Variants in TENM2 observed in about 807,000 individuals in gnomAD.
TENM2 encodes teneurin transmembrane protein 2.
TENM2 carries 52 observed loss-of-function variants against 245.2 expected under a neutral mutation model. The observed-to-expected ratio is 0.21, with a 90% CI of 0.17 to 0.27. The LOEUF (loss-of-function observed/expected upper bound fraction) is 0.27, where lower values mean the gene tolerates loss of function less well. Ranked by LOEUF, TENM2 falls within the 10% of genes least tolerant of loss-of-function variation. TENM2 has a pLI of 1.00. For missense variants in TENM2, 3,046 were observed against 3,666.8 expected (o/e 0.83, Z 4.37); for synonymous variants, 1,363 against 1,438.9 (o/e 0.95, Z 1.19).
rs199556123 is a variant in TENM2, at chr5:167,685,453, A to G, written c.503-190533A>G. Among the ~76,000 whole-genome samples the G allele has an allele frequency of 6.6e-5, 10 of 151,700 alleles. No individual in the cohort carries two copies. In the East Asian group the frequency reaches 1.8e-3, roughly 27 times the overall value. ...TCCTCGGCCTTCTTTTTCCTTCTGT[A>G]CTCAATTGTACTCTTTCCTAAAGAA... On this transcript the variant is annotated intron_variant, in intron 2 of 28. Transcript: ENST00000518659.
intron 2 of TENM2, among the ~76,000 whole-genome samples, chr5:167,521,102 G>T (rs67594515): frequency 1.3e-5 from 2 of 151,506 alleles, no homozygotes; most frequent in African/African-American, 4.8e-5. Flanking sequence ...CTGAGGTTGG[G>T]GTTGTTATTG....
chr5:167,806,628 A>T (rs1766196225), intron 2 of TENM2, among the ~76,000 whole-genome samples: 1 of 152,122 alleles, frequency 6.6e-6, no homozygotes. Context: ...AGAGTCAGGG[A>T]AATCCACAAT....
exon 14 of TENM2, chr5:168,190,385 G>A: frequency 6.2e-7 from 1 of 1,613,976 alleles, no homozygotes; most frequent in Non-Finnish European, 8.5e-7. Flanking sequence ...CAGTCAGCCT[G>A]TCAGAACAGC....
intron 3 of TENM2, among the ~76,000 whole-genome samples, chr5:167,933,140 G>A (rs1434677431): frequency 6.6e-6 from 1 of 152,148 alleles, no homozygotes; most frequent in African/African-American, 2.4e-5. Context: ...CTTTCTGGGC[G>A]ATAACCCCAA....
chr5:167,718,780 TTTTTC>T (rs1024203350), intron 2 of TENM2, among the ~76,000 whole-genome samples: 2 of 152,148 alleles, frequency 1.3e-5, no homozygotes, highest in African/African-American at 2.4e-5. Context: ...TGGATTTTTT[TTTTTC>T]TTTTCTTAAG....
chr5:167,181,429 A>C, the TENM2 span, among the ~76,000 whole-genome samples: 1 of 98,088 alleles, frequency 1.0e-5, no homozygotes, highest in Non-Finnish European at 2.0e-5. Context: ...TTCTTTTCTC[A>C]GTTCTCTGTT....
chr5:167,115,415 G>A, the TENM2 span, among the ~76,000 whole-genome samples: 1 of 152,132 alleles, frequency 6.6e-6, no homozygotes, highest in Non-Finnish European at 1.5e-5. Flanking sequence ...TTTCCCCTGG[G>A]TTTTCTCCTT....
chr5:167,964,752 T>C (rs1781263248), intron 4 of TENM2, among the ~76,000 whole-genome samples: 1 of 152,020 alleles, frequency 6.6e-6, no homozygotes, highest in African/African-American at 2.4e-5. Context: ...AATGAGCCAC[T>C]AGGGGCAGAA....
intron 2 of TENM2, among the ~76,000 whole-genome samples, chr5:167,477,926 A>G (rs2127523961): frequency 6.6e-6 from 1 of 152,328 alleles, no homozygotes; most frequent in South Asian, 2.1e-4. Context: ...GAAGTAAGGA[A>G]TTGAGATGAA....
intron 2 of TENM2, among the ~76,000 whole-genome samples, chr5:167,828,895 G>A (rs1434971353): frequency 6.6e-6 from 1 of 152,148 alleles, no homozygotes; most frequent in Non-Finnish European, 1.5e-5. Context: ...AGAACCACAG[G>A]CTCAAGGTGT....
chr5:167,372,072 G>A lies in TENM2; in HGVS notation c.227-3126G>A, dbSNP rs116025588. Among the ~76,000 whole-genome samples the A allele has an allele frequency of 3.4e-3, 512 of 152,126 alleles. 7 individuals are homozygous for A. The highest frequency in any genetic ancestry group is 0.012 in the African/African-American group (496 of 41,500). On this transcript the variant is annotated intron_variant, in intron 1 of 28. Coordinates refer to ENST00000518659, the Ensembl canonical transcript of TENM2. The stretch of plus-strand genomic sequence containing the variant: ...AGGAGTGAACCTGTTGGAAAGTGAA[G>A]ATGAAAAGGTAATTTTAAAAAAAAA...
At chr5:167,702,094 G>A (rs1758178086) in intron 2 of TENM2, among the ~76,000 whole-genome samples, 1 of 152,128 alleles carries the variant, frequency 6.6e-6, no homozygotes, top group South Asian at 2.1e-4. Context: ...AAAAGATCTG[G>A]AAAAGGATTA....
At chr5:167,779,735 G>T (rs1165881502) in intron 2 of TENM2, among the ~76,000 whole-genome samples, 8 of 152,186 alleles carry the variant, frequency 5.3e-5, no homozygotes, top group African/African-American at 1.7e-4. Flanking sequence ...GAACAAACAA[G>T]TCTCAGAGAG....
intron 2 of TENM2, among the ~76,000 whole-genome samples, chr5:167,569,908 C>T (rs1774159611): frequency 6.6e-6 from 1 of 152,044 alleles, no homozygotes; most frequent in Admixed American, 6.5e-5. Context: ...CCCCAAAGCC[C>T]AGCTCCTAAT....
At chr5:167,702,159 A>C (rs1052729556) in intron 2 of TENM2, among the ~76,000 whole-genome samples, 3 of 152,228 alleles carry the variant, frequency 2.0e-5, no homozygotes, top group Non-Finnish European at 2.9e-5. Context: ...AGAAAGGTTT[A>C]CATCAAATAT....
At chr5:168,044,953 A>G (rs993269921) in intron 5 of TENM2, among the ~76,000 whole-genome samples, 61 of 152,150 alleles carry the variant, frequency 4.0e-4, no homozygotes, top group African/African-American at 1.4e-3. Context: ...AAGTGCCAAC[A>G]AAAACCTATT....
chr5:167,525,364 A>G (rs1195473997), intron 2 of TENM2, among the ~76,000 whole-genome samples: 1 of 152,128 alleles, frequency 6.6e-6, no homozygotes, highest in Non-Finnish European at 1.5e-5. Flanking sequence ...GATTCTCTTT[A>G]TATAATGGTG....
At chr5:167,913,975 A>G (rs1776737826) in intron 3 of TENM2, among the ~76,000 whole-genome samples, 1 of 152,362 alleles carries the variant, frequency 6.6e-6, no homozygotes, top group African/African-American at 2.4e-5. Flanking sequence ...TCTGGTGAGC[A>G]ATCAATAAAT....
the TENM2 span, among the ~76,000 whole-genome samples, chr5:167,269,190 A>T: frequency 1.3e-5 from 2 of 152,172 alleles, no homozygotes; most frequent in African/African-American, 2.4e-5. Flanking sequence ...GACCTGAAAG[A>T]TATATTCAGG....
Sources: gnomAD v4.1 joint callset for allele counts (sites outside exome capture counted in the v4.1 genomes callset) on GRCh38, gnomAD v4.1.1 for gene constraint, MANE v1.5 for transcripts, NCBI Gene and HGNC (gene_info 2026-07-23, HGNC 2026-07-21) for gene names.